The following CASC3 variants were observed in gnomAD, a reference collection of about 807,000 sequenced individuals.
CASC3 encodes the protein protein CASC3.
Under a neutral mutation model 80.5 loss-of-function variants are expected in CASC3, and 30 were observed. The observed-to-expected ratio is 0.37, with a 90% CI of 0.28 to 0.51. CASC3 has a LOEUF of 0.51. Among genes scored for constraint, CASC3 ranks in the 20% least tolerant of loss-of-function variants. CASC3 has a pLI of 0.94. For missense variants in CASC3, 824 were observed against 922.2 expected (o/e 0.89, Z 1.38); for synonymous variants, 312 against 333.6 (o/e 0.94, Z 0.70).
Position 40,171,890 on chromosome 17 carries a change from A to G in CASC3, c.*1485A>G. On this transcript the variant is annotated 3_prime_UTR_variant, in exon 14 of 14. Transcript: ENST00000264645. Reference sequence around the variant, plus strand: ...AGAGGCACTTAATCTGTAACCCCCAAGGAGGAAATAACTAAGAGATTCTTC... The same window carrying G: ...AGAGGCACTTAATCTGTAACCCCCAGGGAGGAAATAACTAAGAGATTCTTC... 1 of 1,225,680 alleles carries G rather than the reference A, an allele frequency of 8.2e-7. No individual in the cohort carries two copies. The highest frequency in any genetic ancestry group is 2.9e-5 in the Admixed American group (1 of 34,742). 75.9% of individuals were successfully genotyped at this position (1,225,680 alleles called of 1,614,324 possible). A position where few individuals can be genotyped will look rare whatever the true frequency, so the allele number is the denominator to read the frequency against.
intron 3 of CASC3, among the ~76,000 whole-genome samples, chr17:40,154,297 C>A (rs2145165448): frequency 6.6e-6 from 1 of 152,078 alleles, no homozygotes; most frequent in African/African-American, 2.4e-5. Context: ...GCAGTCTTCC[C>A]ACCTCAGCCT....
Position 40,171,885 on chromosome 17 carries a change from C to A in CASC3, c.*1480C>A. ...TGGGGAGAGGCACTTAATCTGTAAC[C>A]CCCAAGGAGGAAATAACTAAGAGAT... On this transcript the variant is annotated 3_prime_UTR_variant, in exon 14 of 14. Transcript: ENST00000264645. 8.2e-7 allele frequency: 1 copy of A among 1,220,068 alleles called. No individual in the cohort carries two copies. The highest frequency in any genetic ancestry group is 1.5e-5 in the South Asian group (1 of 68,066). 75.6% of individuals were successfully genotyped at this position (1,220,068 alleles called of 1,614,324 possible).
intron 13 of CASC3, among the ~76,000 whole-genome samples, 175 bp from the exon 14 acceptor site, chr17:40,170,272 A>C (rs1407727574): frequency 6.6e-6 from 1 of 152,146 alleles, no homozygotes; most frequent in Non-Finnish European, 1.5e-5. Context: ...GTTATAGCAG[A>C]AAAAACCAGT....
At chr17:40,159,996 G>A (rs931818569) in intron 3 of CASC3, among the ~76,000 whole-genome samples, 3 of 152,072 alleles carry the variant, frequency 2.0e-5, no homozygotes, top group East Asian at 3.9e-4. Flanking sequence ...GATTACAGGC[G>A]TGAACCACTA....
rs1461471091 is a variant in CASC3 at position 40,162,842 on chromosome 17, T to C, written c.726T>C (p.Tyr242=). 1 of 1,614,152 alleles carries C rather than the reference T, an allele frequency of 6.2e-7. No individual in the cohort carries two copies. The change falls in exon 6 of 14, where the codon TAT becomes TAC. Residue 242 remains tyrosine, a synonymous_variant. Coordinates refer to ENST00000264645, the MANE Select transcript of CASC3 (RefSeq NM_007359.5). ...SRQELIALYG[Y]DIRSAHNPDD... is the part of the protein sequence containing the mutation. ...AGGAGCTCATTGCTCTTTATGGTTA[T>C]GACATTCGCTCAGCTCATAATCCTG...
chr17:40,162,015 C>G lies in CASC3; in HGVS notation c.470C>G (p.Pro157Arg). Reference sequence around the variant, plus strand: ...TCTGTCCTCTAGGAGAGCACAGAGCCTGTGGAGAACAAAGTGGGTAAAAAG... The same window carrying G: ...TCTGTCCTCTAGGAGAGCACAGAGCGTGTGGAGAACAAAGTGGGTAAAAAG... ...QSGDGQESTE[P>R]VENKVGKKGP... is the part of the protein sequence containing the mutation. Residue 157 changes from proline (P) to arginine (R), a missense_variant, in exon 5 of 14, where the codon CCT becomes CGT. By Grantham distance (103) the Pro-to-Arg change is moderately radical. This residue lies in a region of CASC3 where 201 missense variants were observed against 294.1 expected (regional missense o/e 0.68). Transcript: ENST00000264645. 2 of 1,613,888 alleles carry G rather than the reference C, an allele frequency of 1.2e-6. No individual in the cohort carries two copies. Among genetic ancestry groups the G allele is most frequent in the Non-Finnish European group, 1.7e-6 (2 of 1,179,942 alleles).
chr17:40,163,946 A>G lies in CASC3; in HGVS notation c.1251A>G (p.Ala417=). The G allele has an allele frequency of 6.2e-7, 1 of 1,614,126 alleles. No individual in the cohort carries two copies. Among genetic ancestry groups the G allele is most frequent in the Non-Finnish European group, 8.5e-7 (1 of 1,180,018 alleles). ...ARRTRTKVGD[A]VKLAEEVPPP... ...GAACTCGAACCAAAGTTGGAGATGCAGTCAAGCTTGCAGAGGAGGTGCCCC... is the reference window on the plus strand; with the variant it reads ...GAACTCGAACCAAAGTTGGAGATGCGGTCAAGCTTGCAGAGGAGGTGCCCC... Residue 417 remains alanine, a synonymous_variant, in exon 7 of 14, where the codon GCA becomes GCG. Coordinates refer to ENST00000264645, the MANE Select transcript of CASC3 (RefSeq NM_007359.5).
intron 6 of CASC3, 74 bp from the exon 7 acceptor site, chr17:40,163,407 T>C: frequency 7.7e-7 from 1 of 1,302,448 alleles, no homozygotes; most frequent in Non-Finnish European, 1.1e-6. Flanking sequence ...AGTGCTGGGA[T>C]TACAGGCCTG....
intron 3 of CASC3, 23 bp from the exon 4 acceptor site, chr17:40,161,730 G>T (rs763497655): frequency 1.9e-6 from 3 of 1,610,846 alleles, no homozygotes; most frequent in Non-Finnish European, 2.5e-6. Flanking sequence ...TATATGCATC[G>T]CTGACAGGGA....
chr17:40,159,526 C>T (rs909445572), intron 3 of CASC3, among the ~76,000 whole-genome samples: 2 of 148,904 alleles, frequency 1.3e-5, no homozygotes, highest in East Asian at 2.0e-4. Context: ...CAGGCACGCA[C>T]GCATCAGTTC....
At position 40,157,371 on chromosome 17, in the gene CASC3, T is replaced by TAAATA. The variant is rs1555550453; in HGVS notation, c.298-4380_298-4379insATAAA. ...TAAATAAATAAATAAATAAATAAAT[T>TAAATA]AATTAATTAATTAATTAAAAGGGGC... On this transcript the variant is annotated intron_variant, in intron 3 of 13. Coordinates refer to ENST00000264645, the MANE Select transcript of CASC3 (RefSeq NM_007359.5). Among the ~76,000 whole-genome samples, 524 of 137,478 alleles carry TAAATA rather than the reference T, an allele frequency of 3.8e-3. 3 individuals are homozygous for TAAATA. The highest frequency in any genetic ancestry group is 0.014 in the Middle Eastern group (4 of 278). 90.2% of individuals were successfully genotyped at this position (137,478 alleles called of 152,430 possible).
intron 7 of CASC3, among the ~76,000 whole-genome samples, chr17:40,164,749 C>CGTTTTTTTT (rs1567683752): frequency 6.8e-5 from 6 of 87,848 alleles, no homozygotes; most frequent in African/African-American, 3.3e-4. Context: ...CCGTGCCTGG[C>CGTTTTTTTT]CTTTTTTTTT....
intron 13 of CASC3, among the ~76,000 whole-genome samples, chr17:40,170,144 A>G (rs1245522817): frequency 1.3e-5 from 2 of 152,164 alleles, no homozygotes; most frequent in Admixed American, 6.6e-5. Flanking sequence ...TTGTTTGGCA[A>G]GTGTATTGGG....
At chr17:40,156,703 A>T (rs552670487) in intron 3 of CASC3, among the ~76,000 whole-genome samples, 6 of 152,104 alleles carry the variant, frequency 3.9e-5, no homozygotes, top group South Asian at 2.1e-4. Context: ...AAAAAAAATT[A>T]AAAAAATAAA....
intron 3 of CASC3, among the ~76,000 whole-genome samples, chr17:40,151,107 C>T (rs371741445): frequency 2.0e-4 from 31 of 152,122 alleles, no homozygotes; most frequent in Admixed American, 5.2e-4. Flanking sequence ...TAGCCAGGTG[C>T]GTGCCTGTAC....
Position 40,162,029 on chromosome 17 carries a change from G to A in CASC3, c.484G>A (p.Val162Met), listed in dbSNP as rs750577905. ...GAGCACAGAGCCTGTGGAGAACAAAGTGGGTAAAAAGGGCCCTAAGCATTT... is the reference window on the plus strand; with the variant it reads ...GAGCACAGAGCCTGTGGAGAACAAAATGGGTAAAAAGGGCCCTAAGCATTT... ...QESTEPVENK[V>M]GKKGPKHLDD... is the part of the protein sequence containing the mutation. The change falls in exon 5 of 14, where the codon GTG (valine) becomes ATG (methionine). Residue 162 changes from valine to methionine, a missense_variant. This residue lies in a region of CASC3 where 201 missense variants were observed against 294.1 expected (regional missense o/e 0.68). Transcript: ENST00000264645. 5.0e-6 allele frequency: 8 copies of A among 1,613,982 alleles called. No individual in the cohort carries two copies. The African/African-American group carries it at 1.1e-4, about 22-fold the overall frequency.
At chr17:40,170,274 A>G (rs369830215) in intron 13 of CASC3, among the ~76,000 whole-genome samples, 173 bp from the exon 14 acceptor site, 4 of 152,220 alleles carry the variant, frequency 2.6e-5, no homozygotes, top group African/African-American at 9.6e-5. Flanking sequence ...TATAGCAGAA[A>G]AAACCAGTTC....
intron 3 of CASC3, among the ~76,000 whole-genome samples, chr17:40,148,636 A>G (rs887545177): frequency 6.6e-6 from 1 of 151,890 alleles, no homozygotes; most frequent in Non-Finnish European, 1.5e-5. Flanking sequence ...ATGGGATTAC[A>G]GGCATGAGCC....
At position 40,152,424 on chromosome 17, in the gene CASC3, C is replaced by T. The variant is rs111561208; in HGVS notation, c.298-9329C>T. On this transcript the variant is annotated intron_variant, in intron 3 of 13. Coordinates refer to ENST00000264645, the MANE Select transcript of CASC3 (RefSeq NM_007359.5). ...GCAGCCTCTGCCTCCTGGGTTCAAG[C>T]GGTTCTCCTGCCTAAGCCTCCCAAG... Among the ~76,000 whole-genome samples the T allele has an allele frequency of 5.0e-3, 755 of 151,864 alleles. 7 individuals are homozygous for T. Among genetic ancestry groups the T allele is most frequent in the African/African-American group, 0.018 (733 of 41,384 alleles).
Sources: gnomAD v4.1 joint callset for allele counts (sites outside exome capture counted in the v4.1 genomes callset) on GRCh38, gnomAD v4.1.1 for gene constraint, gnomAD v4.1.1 regional missense constraint, MANE v1.5 for transcripts, NCBI Gene and HGNC (gene_info 2026-07-23, HGNC 2026-07-21) for gene names.